Variants in PARVA observed in about 807,000 individuals in gnomAD.
The protein encoded by PARVA is alpha-parvin.
In PARVA, 25 loss-of-function variants were observed where a neutral mutation model predicts 52.6. The observed-to-expected ratio is 0.48, with a 90% confidence interval of 0.35 to 0.66. The LOEUF is 0.66. Among genes scored for constraint, PARVA ranks in the 30% least tolerant of loss-of-function variants. PARVA has a pLI of 0.01. For missense variants in PARVA, 373 were observed against 450.9 expected, an observed-to-expected ratio of 0.83 and a Z score of 1.56; for synonymous variants, 185 against 179.1, an observed-to-expected ratio of 1.03 and a Z score of -0.26.
At chr11:12,461,214 C>G (rs577612824) in intron 1 of PARVA, among the ~76,000 whole-genome samples, 1 of 152,184 alleles carries the variant, frequency 6.6e-6, no homozygotes, top group African/African-American at 2.4e-5. Context: ...CCCATACATG[C>G]TTATGAATCT....
chr11:12,474,738 C>CTACTAAAAATACAAAAAG (rs1940984922), intron 3 of PARVA, among the ~76,000 whole-genome samples: 4 of 152,050 alleles, frequency 2.6e-5, no homozygotes, highest in African/African-American at 7.2e-5. Flanking sequence ...AACACCATCT[C>CTACTAAAAATACAAAAAG]TACTAAAAAT....
intron 1 of PARVA, among the ~76,000 whole-genome samples, chr11:12,452,175 G>A (rs941602686): frequency 1.9e-4 from 29 of 151,984 alleles, no homozygotes; most frequent in Admixed American, 6.5e-5. Context: ...ACAGGTATAC[G>A]GTTCCAGGGC....
intron 1 of PARVA, among the ~76,000 whole-genome samples, chr11:12,421,647 C>T (rs957147823): frequency 1.3e-5 from 2 of 152,198 alleles, no homozygotes; most frequent in Non-Finnish European, 2.9e-5. Context: ...TGGGCTGTCA[C>T]AAACCAGGCT....
chr11:12,377,835 G>A (rs1316061448), intron 1 of PARVA, 52 bp downstream of exon 1: 1 of 1,372,084 alleles, frequency 7.3e-7, no homozygotes, highest in African/African-American at 1.6e-5. Context: ...GGGTGCCGTA[G>A]GGGCCGAGGG....
At chr11:12,385,149 A>T (rs1297396851) in intron 1 of PARVA, among the ~76,000 whole-genome samples, 1 of 152,164 alleles carries the variant, frequency 6.6e-6, no homozygotes, top group East Asian at 1.9e-4. Flanking sequence ...CAGCCTGGGC[A>T]ACATGGCGAA....
intron 3 of PARVA, 131 bp from the exon 4 acceptor site, chr11:12,477,716 C>G: frequency 1.6e-6 from 1 of 618,784 alleles, no homozygotes; most frequent in Non-Finnish European, 2.9e-6. Context: ...GACCCCATCT[C>G]AAATAAAATG....
chr11:12,379,359 TG>T (rs1244559946), intron 1 of PARVA, among the ~76,000 whole-genome samples: 25 of 152,202 alleles, frequency 1.6e-4, no homozygotes, highest in African/African-American at 6.0e-4. Context: ...AAGATGGAGT[TG>T]CTCTGGTTCA....
intron 1 of PARVA, among the ~76,000 whole-genome samples, chr11:12,396,086 C>T (rs1354690684): frequency 6.6e-6 from 1 of 152,160 alleles, no homozygotes; most frequent in Non-Finnish European, 1.5e-5. Context: ...TTAATCCTTA[C>T]AGGAACCCTG....
chr11:12,486,771 A>C (rs1415429305), intron 4 of PARVA, among the ~76,000 whole-genome samples: 1 of 152,100 alleles, frequency 6.6e-6, no homozygotes, highest in Non-Finnish European at 1.5e-5. Flanking sequence ...ACTTGAGCCC[A>C]GGAGGCAGAG....
chr11:12,390,665 T>C (rs576634597), intron 1 of PARVA, among the ~76,000 whole-genome samples: 1 of 152,238 alleles, frequency 6.6e-6, no homozygotes, highest in Non-Finnish European at 1.5e-5. Flanking sequence ...GGTTCTTGCC[T>C]CCCTCACTCC....
chr11:12,390,570 C>T (rs1351132972), intron 1 of PARVA, among the ~76,000 whole-genome samples: 3 of 152,272 alleles, frequency 2.0e-5, no homozygotes, highest in East Asian at 1.9e-4. Context: ...AAGTAAGGGG[C>T]AGAGGCTGCT....
chr11:12,509,761 G>A (rs867856897), intron 7 of PARVA, among the ~76,000 whole-genome samples: 3 of 152,256 alleles, frequency 2.0e-5, no homozygotes, highest in South Asian at 4.2e-4. Flanking sequence ...GGCCAGTCTT[G>A]GTAGCTGAAG....
At chr11:12,440,137 G>A (rs2135002943) in intron 1 of PARVA, among the ~76,000 whole-genome samples, 1 of 152,296 alleles carries the variant, frequency 6.6e-6, no homozygotes, top group East Asian at 1.9e-4. Flanking sequence ...CATTGTATAT[G>A]CTCAGTTAAC....
intron 1 of PARVA, among the ~76,000 whole-genome samples, chr11:12,419,710 T>C (rs1940120109): frequency 6.6e-6 from 1 of 152,208 alleles, no homozygotes; most frequent in Non-Finnish European, 1.5e-5. Context: ...CCACAGTAGC[T>C]GCACCATTTT....
At position 12,533,438 on chromosome 11, in the gene PARVA, A is replaced by G. The variant is rs1941796959; in HGVS notation, c.*5513A>G. Among the ~76,000 whole-genome samples, 1 of 152,206 alleles carries G rather than the reference A, an allele frequency of 6.6e-6. No homozygotes were observed. The highest frequency in any genetic ancestry group is 2.4e-5 in the African/African-American group (1 of 41,448). On this transcript the variant is annotated 3_prime_UTR_variant, in exon 13 of 13. Coordinates refer to ENST00000334956, the MANE Select transcript of PARVA (RefSeq NM_018222.5). ...ATCAGCATGAACTATAACTGCTCCAATGCCCACCACATTATATAAAATCTA... is the reference window on the plus strand; with the variant it reads ...ATCAGCATGAACTATAACTGCTCCAGTGCCCACCACATTATATAAAATCTA...
At chr11:12,514,132 C>A in intron 10 of PARVA, 67 bp downstream of exon 10, 1 of 1,293,084 alleles carries the variant, frequency 7.7e-7, no homozygotes, top group East Asian at 2.3e-5. Context: ...CCAAGTGGCC[C>A]ACCACACTTG....
At chr11:12,388,013 T>A (rs144389325) in intron 1 of PARVA, among the ~76,000 whole-genome samples, 227 of 152,228 alleles carry the variant, frequency 1.5e-3, no homozygotes, top group Non-Finnish European at 2.7e-3. Context: ...GCCTATTCCA[T>A]CCCCTCTTGC....
intron 1 of PARVA, among the ~76,000 whole-genome samples, chr11:12,411,151 T>C (rs60792027): frequency 0.016 from 2,481 of 152,334 alleles, 65 homozygotes; most frequent in African/African-American, 0.056. Context: ...TCAGTGACAA[T>C]AATTTGGCTG....
chr11:12,467,680 G>A (rs60252226), intron 1 of PARVA, among the ~76,000 whole-genome samples: 47,318 of 152,072 alleles, frequency 0.31, 7,676 homozygotes, highest in East Asian at 0.49. Flanking sequence ...AACTTTCAAG[G>A]GGACTAGAAA....
Sources: gnomAD v4.1 joint callset for allele counts (sites outside exome capture counted in the v4.1 genomes callset) on GRCh38, gnomAD v4.1.1 for gene constraint, MANE v1.5 for transcripts, NCBI Gene and HGNC (gene_info 2026-07-23, HGNC 2026-07-21) for gene names.